The following VPS13B variants were observed in gnomAD, a reference collection of about 807,000 sequenced individuals.
VPS13B encodes the protein intermembrane lipid transfer protein VPS13B.
In VPS13B, 285 loss-of-function variants were observed where a neutral mutation model predicts 426.4. The observed-to-expected ratio is 0.67, with a 90% CI of 0.61 to 0.74. The LOEUF is 0.74. VPS13B is among the 30% of genes least tolerant of loss of function. The probability of loss-of-function intolerance (pLI) is 0.00; values close to 1 mark genes in which losing one functional copy is unlikely to be tolerated. For missense variants in VPS13B, 4,537 were observed against 4,782.6 expected (o/e 0.95, Z 1.51); for synonymous variants, 1,676 against 1,676.4 (o/e 1.00, Z 0.01).
At chr8:99,672,924 T>A (rs1336610863) in intron 35 of VPS13B, among the ~76,000 whole-genome samples, 1 of 152,192 alleles carries the variant, frequency 6.6e-6, no homozygotes, top group Non-Finnish European at 1.5e-5. Flanking sequence ...TCCTACATTC[T>A]GTTAATGTGA....
chr8:99,857,947 G>C (rs932299521), intron 56 of VPS13B, among the ~76,000 whole-genome samples: 1 of 152,204 alleles, frequency 6.6e-6, no homozygotes, highest in Non-Finnish European at 1.5e-5. Context: ...AGGGAGGAGG[G>C]CTCAAAATTT....
intron 14 of VPS13B, among the ~76,000 whole-genome samples, chr8:99,152,487 A>T (rs1811126367): frequency 6.6e-6 from 1 of 152,192 alleles, no homozygotes; most frequent in South Asian, 2.1e-4. Context: ...TGTATGAAGC[A>T]GTCCATTGAT....
chr8:99,853,319 T>C lies in VPS13B; in HGVS notation c.10062-132T>C, dbSNP rs74899632. ...AGACACAATGTACTGAAAGTTGAGT[T>C]CTTATTTGTTTCTTATGAGAATCTG... On this transcript the variant is annotated intron_variant, in intron 55 of 61. Transcript: ENST00000357162. 7.3e-4 allele frequency: 655 copies of C among 896,388 alleles called. 2 individuals carry two copies. The East Asian group carries it at 0.016, about 21-fold the overall frequency. 55.5% of individuals were successfully genotyped at this position (896,388 alleles called of 1,614,324 possible).
At chr8:99,168,451 G>A (rs117584482) in intron 15 of VPS13B, among the ~76,000 whole-genome samples, 182 of 152,122 alleles carry the variant, frequency 1.2e-3, no homozygotes, top group Non-Finnish European at 2.4e-3. Flanking sequence ...TTGAGCATAG[G>A]TAATATGATG....
intron 3 of VPS13B, among the ~76,000 whole-genome samples, chr8:99,087,341 C>A (rs1845876941): frequency 6.6e-6 from 1 of 152,104 alleles, no homozygotes; most frequent in African/African-American, 2.4e-5. Flanking sequence ...CCTGATTTTC[C>A]AGGTGCCGTC....
At chr8:99,033,526 AT>A (rs1280788160) in intron 2 of VPS13B, among the ~76,000 whole-genome samples, 1 of 151,864 alleles carries the variant, frequency 6.6e-6, no homozygotes, top group Non-Finnish European at 1.5e-5. Context: ...CAAAATTTTC[AT>A]TTTTTTTGTA....
At chr8:99,387,592 T>A (rs1243197699) in intron 20 of VPS13B, among the ~76,000 whole-genome samples, 2 of 152,130 alleles carry the variant, frequency 1.3e-5, no homozygotes. Context: ...AAAAATATAC[T>A]TTAAAAAATG....
chr8:99,868,283 T>C lies in VPS13B; in HGVS notation c.11216-6T>C, dbSNP rs780721865. 75 of 1,614,050 alleles carry C rather than the reference T, an allele frequency of 4.6e-5. No homozygotes were observed. Among genetic ancestry groups the C allele is most frequent in the Middle Eastern group, 1.6e-4 (1 of 6,084 alleles). On this transcript the variant is annotated splice_polypyrimidine_tract_variant and splice_region_variant and intron_variant, in intron 58 of 61. Coordinates refer to ENST00000357162, the MANE Select transcript of VPS13B (RefSeq NM_152564.5). ...CTGTCCTTACTGAGGGCTTTTGTTA[T>C]TCCAGGTGCAATTGCTGGTATAGTT... is the stretch of plus-strand genomic sequence containing the variant.
At chr8:99,523,354 G>A (rs967917250) in intron 30 of VPS13B, among the ~76,000 whole-genome samples, 2 of 152,216 alleles carry the variant, frequency 1.3e-5, no homozygotes, top group Non-Finnish European at 2.9e-5. Flanking sequence ...CTGAGCCCTA[G>A]GGCCTTGAGT....
chr8:99,601,585 A>G (rs556187887), intron 33 of VPS13B, among the ~76,000 whole-genome samples: 3 of 152,314 alleles, frequency 2.0e-5, no homozygotes, highest in African/African-American at 7.2e-5. Context: ...ACTGTCTTCC[A>G]CAATGGTTGA....
intron 35 of VPS13B, among the ~76,000 whole-genome samples, chr8:99,694,950 C>T (rs1253007865): frequency 1.8e-4 from 27 of 151,520 alleles, no homozygotes; most frequent in Admixed American, 1.5e-3. Flanking sequence ...TGAAAAAATG[C>T]TCATCATCAC....
intron 22 of VPS13B, among the ~76,000 whole-genome samples, chr8:99,437,253 T>C (rs1588378573): frequency 6.6e-6 from 1 of 152,286 alleles, no homozygotes; most frequent in African/African-American, 2.4e-5. Flanking sequence ...TATTATTTTT[T>C]ACTTAGAATA....
rs376955810 is a variant in VPS13B, at chr8:99,150,751, C to G, written c.2013+2741C>G. On this transcript the variant is annotated intron_variant, in intron 14 of 61. Transcript: ENST00000357162. ...CTTTGCACTTACTAATATTCCATTA[C>G]AGATGTACCACAATTTACTTATCCA... 3.3e-5 allele frequency among the ~76,000 whole-genome samples: 5 copies of G among 152,314 alleles called. No homozygotes were observed. In the East Asian group the frequency reaches 9.6e-4, roughly 29 times the overall value.
At chr8:99,728,691 C>A (rs1833458963) in intron 39 of VPS13B, among the ~76,000 whole-genome samples, 2 of 152,214 alleles carry the variant, frequency 1.3e-5, no homozygotes, top group Admixed American at 1.3e-4. Flanking sequence ...ACACTATCTT[C>A]CCCACAGTTA....
At chr8:99,055,900 AT>A (rs71273158) in intron 3 of VPS13B, among the ~76,000 whole-genome samples, 85,010 of 107,862 alleles carry the variant, frequency 0.79, 33,859 homozygotes, top group African/African-American at 0.85. Context: ...TGGCTAATTA[AT>A]TTTTTTTTTT....
At chr8:99,061,850 G>T (rs190276484) in intron 3 of VPS13B, among the ~76,000 whole-genome samples, 8 of 152,192 alleles carry the variant, frequency 5.3e-5, no homozygotes, top group Admixed American at 4.6e-4. Context: ...ACTCACAATG[G>T]TCAATAATAA....
At chr8:99,470,170 A>G (rs1229347904) in intron 24 of VPS13B, among the ~76,000 whole-genome samples, 2 of 152,118 alleles carry the variant, frequency 1.3e-5, no homozygotes, top group African/African-American at 2.4e-5. Context: ...TTCTTTAGAC[A>G]CTTTATCACA....
intron 33 of VPS13B, among the ~76,000 whole-genome samples, chr8:99,622,104 CAA>C (rs1347750141): frequency 2.6e-5 from 4 of 151,944 alleles, no homozygotes; most frequent in Non-Finnish European, 5.9e-5. Flanking sequence ...AATGAATGAG[CAA>C]AACAATTAAA....
intron 19 of VPS13B, among the ~76,000 whole-genome samples, chr8:99,355,717 G>T (rs1812148016): frequency 6.6e-6 from 1 of 152,084 alleles, no homozygotes; most frequent in South Asian, 2.1e-4. Context: ...CTTTTGTTTT[G>T]CTTGGTTGTC....
Sources: gnomAD v4.1 joint callset for allele counts (sites outside exome capture counted in the v4.1 genomes callset) on GRCh38, gnomAD v4.1.1 for gene constraint, MANE v1.5 for transcripts, NCBI Gene and HGNC (gene_info 2026-07-23, HGNC 2026-07-21) for gene names.